The following ASIC4 variants were observed in gnomAD, a reference collection of about 807,000 sequenced individuals.
ASIC4 encodes the protein acid-sensing ion channel 4.
ASIC4 carries 28 observed loss-of-function variants against 53.4 expected under a neutral mutation model. The ratio of observed to expected loss-of-function variants is 0.52; its 90% CI spans 0.39 to 0.72. The LOEUF is 0.72. ASIC4 is among the 30% of genes least tolerant of loss of function. The probability of loss-of-function intolerance (pLI) is 0.00; values close to 1 mark genes in which losing one functional copy is unlikely to be tolerated. For missense variants in ASIC4, 649 were observed against 729.7 expected (o/e 0.89, Z 1.27); for synonymous variants, 289 against 301.4 (o/e 0.96, Z 0.43).
At position 219,536,374 on chromosome 2, in the gene ASIC4, G is replaced by A. The variant is rs957838608; in HGVS notation, c.1230-692G>A. On this transcript the variant is annotated intron_variant, in intron 6 of 9. Transcript: ENST00000358078. The surrounding 1 kb of genome is among the most constrained non-coding windows in gnomAD (Gnocchi z 4.6). Reference sequence around the variant, plus strand: ...TCCAGCCAGTCTACACTTGTGGAGCGTGGTCTGGGTGCCAGGCTCAGTGCT... The same window carrying A: ...TCCAGCCAGTCTACACTTGTGGAGCATGGTCTGGGTGCCAGGCTCAGTGCT... 3.3e-5 allele frequency among the ~76,000 whole-genome samples: 5 copies of A among 152,240 alleles called. No individual in the cohort carries two copies. Among genetic ancestry groups the A allele is most frequent in the Admixed American group, 6.5e-5 (1 of 15,294 alleles).
intron 1 of ASIC4, among the ~76,000 whole-genome samples, chr2:219,522,776 G>A (rs1198893423): frequency 1.3e-5 from 2 of 152,132 alleles, no homozygotes; most frequent in Non-Finnish European, 2.9e-5. Context: ...TTCCCTCCGC[G>A]GTGGAAGCCT....
chr2:219,508,273 C>T, the ASIC4 span, among the ~76,000 whole-genome samples: 17 of 152,246 alleles, frequency 1.1e-4, no homozygotes, highest in African/African-American at 3.6e-4. Flanking sequence ...CCTTCTGTTC[C>T]GAGTGGTTGG....
At chr2:219,524,625 C>T (rs888282819) in intron 1 of ASIC4, among the ~76,000 whole-genome samples, 3 of 152,202 alleles carry the variant, frequency 2.0e-5, no homozygotes, top group Admixed American at 1.3e-4. Flanking sequence ...GTTGTTACTG[C>T]CATTTTACAG....
intron 1 of ASIC4, among the ~76,000 whole-genome samples, chr2:219,529,259 A>C (rs1273527314): frequency 6.6e-6 from 1 of 152,204 alleles, no homozygotes; most frequent in Non-Finnish European, 1.5e-5. Flanking sequence ...TGAGCTGTCC[A>C]TGACACCCAC....
At chr2:219,514,142 G>A, upstream of ASIC4, 1 of 624,532 alleles carries the variant, frequency 1.6e-6, no homozygotes, top group Non-Finnish European at 2.7e-6. Flanking sequence ...CCCTTCCCTG[G>A]GTGGCCAGGA....
intron 1 of ASIC4, among the ~76,000 whole-genome samples, chr2:219,528,551 G>T (rs1026636952): frequency 6.7e-6 from 1 of 148,624 alleles, no homozygotes; most frequent in Non-Finnish European, 1.5e-5. Context: ...TGTTGTTGTT[G>T]TTTTTTGAGA....
At position 219,515,176 on chromosome 2, in the gene ASIC4, G is replaced by A. The variant is rs759602562; in HGVS notation, c.452G>A (p.Arg151His). 11 of 1,614,062 alleles carry A rather than the reference G, an allele frequency of 6.8e-6. No homozygotes were observed. Among genetic ancestry groups the A allele is most frequent in the Middle Eastern group, 1.6e-4 (1 of 6,084 alleles). Residue 151 changes from arginine (R) to histidine (H), a missense_variant, in exon 1 of 10, where the codon CGT (arginine) becomes CAT (histidine). Arg to His is a conservative substitution (Grantham distance 29, BLOSUM62 0). Transcript: ENST00000358078. ...GLPPKDRDGH[R>H]AAGLRYPEPD... ...CCCCCCAAAGACCGGGATGGGCACCGTGCGGCTGGCCTGCGCTACCCAGAG... is the reference window on the plus strand; with the variant it reads ...CCCCCCAAAGACCGGGATGGGCACCATGCGGCTGGCCTGCGCTACCCAGAG...
intron 6 of ASIC4, among the ~76,000 whole-genome samples, chr2:219,535,650 T>C (rs1695124989): frequency 6.6e-6 from 1 of 151,442 alleles, no homozygotes; most frequent in Non-Finnish European, 1.5e-5. Flanking sequence ...TCTGTGTGCG[T>C]GTGTGTGTGT....
At position 219,530,634 on chromosome 2, in the gene ASIC4, G is replaced by A. The variant is rs183560873; in HGVS notation, c.583-1124G>A. ...GTGACACTGAATGTGGCCGTGTGAT[G>A]TAGGAGTGTGACATGCTGAGGCTTC... On this transcript the variant is annotated intron_variant, in intron 1 of 9. Transcript: ENST00000358078. Among the ~76,000 whole-genome samples the A allele has an allele frequency of 3.6e-3, 549 of 152,352 alleles. 3 individuals carry two copies. Among genetic ancestry groups the A allele is most frequent in the Non-Finnish European group, 5.4e-3 (367 of 68,042 alleles).
chr2:219,533,006 C>A, intron 5 of ASIC4, 67 bp downstream of exon 5: 1 of 1,505,884 alleles, frequency 6.6e-7, no homozygotes, highest in Non-Finnish European at 9.2e-7. Flanking sequence ...CTCTTCTCCT[C>A]ACTGTCTTGG....
chr2:219,537,913 CTCT>C lies in ASIC4; in HGVS notation c.1507-18_1507-16del. On this transcript the variant is annotated splice_polypyrimidine_tract_variant and intron_variant, in intron 9 of 9. Coordinates refer to ENST00000358078, the MANE Select transcript of ASIC4 (RefSeq NM_018674.6). This position sits in a 1 kb window ranked among gnomAD's most constrained non-coding sequence, Gnocchi z 4.9. Reference sequence around the variant, plus strand: ...ACTTGAGCTCTCCCGGTCCCACTCTCTCTTTTCTTTCTCCTGCAGAGTCCCTGC... The same window carrying C: ...ACTTGAGCTCTCCCGGTCCCACTCTCTTTCTTTCTCCTGCAGAGTCCCTGC... 1.3e-6 allele frequency: 2 copies of C among 1,581,330 alleles called. No individual in the cohort carries two copies. Among genetic ancestry groups the C allele is most frequent in the Non-Finnish European group, 1.7e-6 (2 of 1,160,266 alleles).
chr2:219,535,359 A>C (rs772024765), intron 6 of ASIC4, 35 bp downstream of exon 6: 2 of 1,505,230 alleles, frequency 1.3e-6, no homozygotes, highest in Non-Finnish European at 1.8e-6. Flanking sequence ...TGGCTGTGTG[A>C]CTCTGTGTGT....
intron 4 of ASIC4, 178 bp from the exon 5 acceptor site, chr2:219,532,705 C>T (rs577472795): frequency 1.5e-5 from 12 of 807,092 alleles, no homozygotes; most frequent in East Asian, 5.3e-5. Context: ...TATTTGTGTA[C>T]GTGCATGCTC....
In ASIC4 at chr2:219,532,922, G is replaced by A; in HGVS notation, c.1058G>A (p.Cys353Tyr). Reference protein sequence around the residue: ...TICPPNIYIECADHTLDSLGG... With the variant: ...TICPPNIYIEYADHTLDSLGG... ...TGCCCACCAAATATCTACATCGAGT[G>A]TGCAGACCACACACTGGGTCCGTGC... The change falls in exon 5 of 10, where the codon TGT (cysteine) becomes TAT (tyrosine). Residue 353 changes from cysteine (C) to tyrosine (Y), a missense_variant. By Grantham distance (194) the Cys-to-Tyr change is radical (BLOSUM62 -2). Transcript: ENST00000358078. 6.2e-7 allele frequency: 1 copy of A among 1,614,122 alleles called. No individual in the cohort carries two copies. The highest frequency in any genetic ancestry group is 8.5e-7 in the Non-Finnish European group (1 of 1,180,002).
chr2:219,535,662 G>T (rs1225036636), intron 6 of ASIC4, among the ~76,000 whole-genome samples: 4 of 151,832 alleles, frequency 2.6e-5, no homozygotes, highest in Non-Finnish European at 5.9e-5. Flanking sequence ...TGTGTGTGTG[G>T]TGGAGGCTGC....
At chr2:219,534,031 CAAAAAAAAAAA>C (rs71266343) in intron 5 of ASIC4, 30 of 64,854 alleles carry the variant, frequency 4.6e-4, no homozygotes, top group African/African-American at 1.4e-3. Context: ...TACCCTGTCT[CAAAAAAAAAAA>C]AAAAAAAAAA....
At chr2:219,525,556 C>T (rs1398419100) in intron 1 of ASIC4, among the ~76,000 whole-genome samples, 1 of 152,188 alleles carries the variant, frequency 6.6e-6, no homozygotes, top group Non-Finnish European at 1.5e-5. Context: ...CTTGTTTCTG[C>T]CTTTGTACAA....
At chr2:219,535,439 GTGTGTA>G in intron 6 of ASIC4, 115 bp downstream of exon 6, 1 of 825,222 alleles carries the variant, frequency 1.2e-6, no homozygotes, top group African/African-American at 2.2e-5. Flanking sequence ...GTATGTGTTT[GTGTGTA>G]TGTGGGTGTG....
At chr2:219,523,088 G>A (rs912519722) in intron 1 of ASIC4, among the ~76,000 whole-genome samples, 1 of 151,630 alleles carries the variant, frequency 6.6e-6, no homozygotes, top group Non-Finnish European at 1.5e-5. Flanking sequence ...CGTCCCCGCC[G>A]CCTCTTTCTG....
Sources: gnomAD v4.1 joint callset for allele counts (sites outside exome capture counted in the v4.1 genomes callset) on GRCh38, gnomAD v4.1.1 for gene constraint, Gnocchi (gnomAD v3.1) non-coding constraint, MANE v1.5 for transcripts, NCBI Gene and HGNC (gene_info 2026-07-23, HGNC 2026-07-21) for gene names.